Variants in CD99 observed in about 807,000 individuals in gnomAD.
The protein encoded by CD99 is CD99 antigen.
Under a neutral mutation model 28.4 loss-of-function variants are expected in CD99, and 19 were observed. The ratio of observed to expected loss-of-function variants is 0.67; its 90% CI spans 0.47 to 0.98. The LOEUF (loss-of-function observed/expected upper bound fraction) is 0.98. CD99 is among the 50% of genes least tolerant of loss of function. The pLI is 0.00. For missense variants in CD99, 283 were observed against 248.8 expected, an observed-to-expected ratio of 1.14 and a Z score of -0.92; for synonymous variants, 103 against 92.1, an observed-to-expected ratio of 1.12 and a Z score of -0.67.
At chrX:2,697,131 A>C (rs1247447500) in intron 1 of CD99, among the ~76,000 whole-genome samples, 1 of 152,114 alleles carries the variant, frequency 6.6e-6, no homozygotes, top group Non-Finnish European at 1.5e-5. Flanking sequence ...GCATGGGCAA[A>C]GCTTTTGTTC....
intron 8 of CD99, among the ~76,000 whole-genome samples, chrX:2,732,192 C>G (rs2049649134): frequency 6.6e-6 from 1 of 152,110 alleles, no homozygotes; most frequent in African/African-American, 2.4e-5. Context: ...GAAGCTGCTT[C>G]TCTCATGCAC....
chrX:2,700,020 C>G (rs1443004692), intron 1 of CD99, among the ~76,000 whole-genome samples: 1 of 152,182 alleles, frequency 6.6e-6, no homozygotes, highest in Non-Finnish European at 1.5e-5. Flanking sequence ...CAGGAGCTTG[C>G]TGGTGATCAC....
At chrX:2,733,597 T>C (rs1185447360) in intron 8 of CD99, 2 of 545,460 alleles carry the variant, frequency 3.7e-6, no homozygotes, top group Non-Finnish European at 3.3e-6. Context: ...GCAAATCATA[T>C]TTCTGCATAA....
intron 9 of CD99, 138 bp downstream of exon 9, chrX:2,738,394 G>A (rs34174423): frequency 0.044 from 36,238 of 815,560 alleles, 947 homozygotes; most frequent in Non-Finnish European, 0.055. Context: ...TTTATGTCTC[G>A]TTGCTTTGGA....
intron 8 of CD99, 137 bp from the exon 9 acceptor site, chrX:2,738,063 C>G (rs758392707): frequency 3.7e-6 from 3 of 806,624 alleles, no homozygotes; most frequent in Admixed American, 3.5e-5. Flanking sequence ...CAGTGGGTCT[C>G]GGGGTTCAGA....
At chrX:2,738,004 A>T in intron 8 of CD99, 196 bp from the exon 9 acceptor site, 1 of 722,294 alleles carries the variant, frequency 1.4e-6, no homozygotes. Flanking sequence ...CATGCATGAA[A>T]AAATACTGGC....
rs180728325 is a variant in CD99, at chrX:2,700,902, C to T, written c.67+9475C>T. On this transcript the variant is annotated intron_variant, in intron 1 of 9. Transcript: ENST00000381192. ...CCATCCACCTACTCACCCACCCACC[C>T]ATCCATCCACCCACCCAACCATCCA... Among the ~76,000 whole-genome samples the T allele has an allele frequency of 4.0e-3, 608 of 151,654 alleles. 9 individuals carry two copies. Among genetic ancestry groups the T allele is most frequent in the African/African-American group, 0.014 (583 of 41,346 alleles).
rs1286039056 is a variant in CD99 at position 2,738,236 on chromosome X, A to G, written c.512A>G (p.Asn171Ser). ...QGEVDMESHR[N>S]ANAEPAVQRT... ...GAGGTGGACATGGAGAGCCACCGGAATGCCAACGCAGAGCCAGCTGGTAAG... is the reference window on the plus strand; with the variant it reads ...GAGGTGGACATGGAGAGCCACCGGAGTGCCAACGCAGAGCCAGCTGGTAAG... Residue 171 changes from asparagine to serine, a missense_variant, in exon 9 of 10, where the codon AAT (asparagine) becomes AGT (serine). Transcript: ENST00000381192. 2 of 1,613,976 alleles carry G rather than the reference A, an allele frequency of 1.2e-6. No individual in the cohort carries two copies. Among genetic ancestry groups the G allele is most frequent in the South Asian group, 2.2e-5 (2 of 91,078 alleles).
At position 2,729,850 on chromosome X, in the gene CD99, T is replaced by C. The variant is rs191981022; in HGVS notation, c.475+3477T>C. On this transcript the variant is annotated intron_variant, in intron 8 of 9. Transcript: ENST00000381192. ...GGGTAGAAACAATTTTCCTAGATTC[T>C]TCAAGAACAAAAGCAAATATGTCCT... Among the ~76,000 whole-genome samples the C allele has an allele frequency of 8.7e-4, 133 of 152,258 alleles. 1 individual carries two copies. The highest frequency in any genetic ancestry group is 3.0e-3 in the African/African-American group (126 of 41,548).
At chrX:2,708,661 A>G (rs311057) in intron 1 of CD99, among the ~76,000 whole-genome samples, 119,747 of 152,018 alleles carry the variant, frequency 0.79, 47,231 homozygotes, top group South Asian at 0.85. Flanking sequence ...TTCTCCAAGG[A>G]CTAGGGCTAA....
intron 7 of CD99, chrX:2,723,573 CG>C (rs2049113970): frequency 9.5e-6 from 6 of 633,356 alleles, no homozygotes; most frequent in Non-Finnish European, 1.7e-5. Context: ...CCACGTGACG[CG>C]GATTTTATGT....
intron 1 of CD99, among the ~76,000 whole-genome samples, chrX:2,704,392 A>G (rs1412822133): frequency 3.3e-5 from 5 of 149,824 alleles, no homozygotes; most frequent in African/African-American, 1.2e-4. Context: ...ACAAGGAAGT[A>G]TATGCAGTTT....
At chrX:2,732,562 CCT>C (rs201358537) in intron 8 of CD99, among the ~76,000 whole-genome samples, 54 of 137,700 alleles carry the variant, frequency 3.9e-4, no homozygotes, top group South Asian at 6.9e-4. Context: ...CTCAGTTCTC[CCT>C]CTCTCTCTCT....
intron 8 of CD99, chrX:2,733,447 T>C: frequency 6.7e-7 from 1 of 1,486,610 alleles, no homozygotes; most frequent in Non-Finnish European, 9.2e-7. Context: ...GACATAGCCT[T>C]AAAGCAAACC....
At chrX:2,702,791 TA>T (rs1189244284) in intron 1 of CD99, among the ~76,000 whole-genome samples, 1 of 152,024 alleles carries the variant, frequency 6.6e-6, no homozygotes, top group Non-Finnish European at 1.5e-5. Flanking sequence ...TTTTTTTTTT[TA>T]TTTTTTTTGG....
At chrX:2,706,748 T>C (rs2048135643) in intron 1 of CD99, among the ~76,000 whole-genome samples, 1 of 152,128 alleles carries the variant, frequency 6.6e-6, no homozygotes, top group Non-Finnish European at 1.5e-5. Context: ...GCTGTTACTA[T>C]GTAATGATTG....
At chrX:2,700,716 C>G (rs2047811965) in intron 1 of CD99, among the ~76,000 whole-genome samples, 1 of 152,054 alleles carries the variant, frequency 6.6e-6, no homozygotes, top group African/African-American at 2.4e-5. Context: ...TCAATTGATA[C>G]ATCCATCTGT....
intron 8 of CD99, among the ~76,000 whole-genome samples, chrX:2,729,375 A>G (rs2049471752): frequency 6.6e-6 from 1 of 152,174 alleles, no homozygotes; most frequent in African/African-American, 2.4e-5. Context: ...AGACTGGATA[A>G]TTCATGAAGG....
At chrX:2,705,180 C>T (rs1042169792) in intron 1 of CD99, among the ~76,000 whole-genome samples, 1 of 152,200 alleles carries the variant, frequency 6.6e-6, no homozygotes, top group African/African-American at 2.4e-5. Context: ...GAACAGATTG[C>T]GCTGGACTCA....
Sources: gnomAD v4.1 joint callset for allele counts (sites outside exome capture counted in the v4.1 genomes callset) on GRCh38, gnomAD v4.1.1 for gene constraint, MANE v1.5 for transcripts, NCBI Gene and HGNC (gene_info 2026-07-23, HGNC 2026-07-21) for gene names.